RAMP3: variants seen among roughly 807,000 people sequenced by gnomAD.
RAMP3 encodes the protein receptor activity modifying protein 3, also known as receptor activity-modifying protein 3.
Under a neutral mutation model 13.5 loss-of-function variants are expected in RAMP3, and 14 were observed. The observed-to-expected ratio is 1.04, with a 90% CI of 0.69 to 1.63. RAMP3 has a LOEUF of 1.63. RAMP3 is among the 40% of genes most tolerant of loss of function. The pLI is 0.00. For missense variants in RAMP3, 200 were observed against 204.8 expected, an observed-to-expected ratio of 0.98 and a Z score of 0.14; for synonymous variants, 106 against 88.3, an observed-to-expected ratio of 1.20 and a Z score of -1.12.
rs34833718 is a variant in RAMP3, at chr7:45,160,330, C to CAAAAA, written c.58+2481_58+2485dup. 4.4e-3 allele frequency among the ~76,000 whole-genome samples: 79 copies of CAAAAA among 17,892 alleles called. 19 individuals carry two copies. The highest frequency in any genetic ancestry group is 0.015 in the East Asian group (4 of 270). 11.7% of individuals were successfully genotyped at this position (17,892 alleles called of 152,430 possible). ...CTGGTGACAAAGCGAGACTCTGCCT[C>CAAAAA]AAAAAAAAAAAAAAAAAAAAAAAAA... is the stretch of plus-strand genomic sequence containing the variant. On this transcript the variant is annotated intron_variant, in intron 1 of 2. Coordinates refer to ENST00000242249, the MANE Select transcript of RAMP3 (RefSeq NM_005856.3).
chr7:45,161,897 G>A (rs1785874778), intron 1 of RAMP3, among the ~76,000 whole-genome samples: 1 of 152,140 alleles, frequency 6.6e-6, no homozygotes, highest in Non-Finnish European at 1.5e-5. Flanking sequence ...CATTGGGATG[G>A]TGGGCGGAGC....
At chr7:45,176,564 T>C (rs867843303) in intron 1 of RAMP3, among the ~76,000 whole-genome samples, 1 of 151,692 alleles carries the variant, frequency 6.6e-6, no homozygotes, top group Non-Finnish European at 1.5e-5. Flanking sequence ...CGTCTGGAAA[T>C]GGGATGACCG....
Position 45,173,120 on chromosome 7 carries a change from C to A in RAMP3, c.59-4189C>A, listed in dbSNP as rs575086176. ...GGAAGATGCCTCCAGGGCAACAAAT[C>A]CATGGCCCTCTGGGTTCCACTCCAT... On this transcript the variant is annotated intron_variant, in intron 1 of 2. Transcript: ENST00000242249. Among the ~76,000 whole-genome samples, 4 of 152,342 alleles carry A rather than the reference C, an allele frequency of 2.6e-5. No homozygotes were observed. In the South Asian group the frequency reaches 6.2e-4, roughly 24 times the overall value.
At chr7:45,178,104 C>T (rs1043469576) in intron 2 of RAMP3, among the ~76,000 whole-genome samples, 1 of 152,112 alleles carries the variant, frequency 6.6e-6, no homozygotes, top group Admixed American at 6.5e-5. Context: ...CCTCTCCTTA[C>T]AGCTGGAGCT....
At chr7:45,165,713 G>A (rs762362223) in intron 1 of RAMP3, among the ~76,000 whole-genome samples, 9 of 152,108 alleles carry the variant, frequency 5.9e-5, no homozygotes, top group Non-Finnish European at 1.2e-4. Flanking sequence ...AACCCCCTTA[G>A]CCTTAAGGAA....
In RAMP3 at chr7:45,157,865, C is replaced by A. The variant is rs1338368468; in HGVS notation, c.37C>A (p.Pro13Thr). 3.5e-6 allele frequency: 5 copies of A among 1,411,994 alleles called. No homozygotes were observed. The South Asian group carries it at 7.9e-5, about 22-fold the overall frequency. The allele number at this position is 1,411,994 out of a possible 1,614,324, so 87.5% of individuals were successfully genotyped here. ...TGALRRPQLL[P>T]LLLLLCGGCP... ...AGCGCTGCGGCGCCCGCAACTTCTC[C>A]CGTTGCTGCTGCTGCTCTGCGGTAA... Residue 13 changes from proline to threonine, a missense_variant, in exon 1 of 3, where the codon CCG (proline) becomes ACG (threonine). By Grantham distance (38) the Pro-to-Thr change is conservative. Coordinates refer to ENST00000242249, the MANE Select transcript of RAMP3 (RefSeq NM_005856.3).
At chr7:45,159,788 T>G (rs1310103662) in intron 1 of RAMP3, among the ~76,000 whole-genome samples, 1 of 152,206 alleles carries the variant, frequency 6.6e-6, no homozygotes, top group Non-Finnish European at 1.5e-5. Context: ...GGGTTCATGC[T>G]TAAACAAGGG....
At chr7:45,176,678 T>A (rs1786193508) in intron 1 of RAMP3, among the ~76,000 whole-genome samples, 1 of 151,758 alleles carries the variant, frequency 6.6e-6, no homozygotes, top group Non-Finnish European at 1.5e-5. Flanking sequence ...GGGGAGGGGA[T>A]GTTTTGGTGG....
At chr7:45,160,133 C>T (rs904513110) in intron 1 of RAMP3, among the ~76,000 whole-genome samples, 1 of 151,688 alleles carries the variant, frequency 6.6e-6, no homozygotes, top group African/African-American at 2.4e-5. Flanking sequence ...GAGATCGAGA[C>T]CATCCTGGCC....
chr7:45,165,505 G>T (rs1898954), intron 1 of RAMP3, among the ~76,000 whole-genome samples: 1 of 151,998 alleles, frequency 6.6e-6, no homozygotes, highest in African/African-American at 2.4e-5. Context: ...GTTTGAAAAA[G>T]TTTTTATTAT....
At chr7:45,158,727 A>C (rs1290176401) in intron 1 of RAMP3, among the ~76,000 whole-genome samples, 1 of 152,086 alleles carries the variant, frequency 6.6e-6, no homozygotes, top group African/African-American at 2.4e-5. Context: ...CCTGGCTGTA[A>C]GATGCAGAGT....
At chr7:45,171,934 C>A (rs570269545) in intron 1 of RAMP3, among the ~76,000 whole-genome samples, 2 of 152,354 alleles carry the variant, frequency 1.3e-5, no homozygotes, top group South Asian at 4.1e-4. Context: ...GGACAATGGC[C>A]TGCTTCTACC....
chr7:45,177,159 G>A (rs1279655199), intron 1 of RAMP3, 150 bp from the exon 2 acceptor site: 19 of 953,844 alleles, frequency 2.0e-5, no homozygotes, highest in Non-Finnish European at 2.6e-5. Flanking sequence ...GTAGGTCAGG[G>A]TGGAGGGTGA....
intron 2 of RAMP3, among the ~76,000 whole-genome samples, chr7:45,182,278 A>G (rs890179178): frequency 6.6e-6 from 1 of 152,308 alleles, no homozygotes; most frequent in South Asian, 2.1e-4. Context: ...AGGGGGTGGC[A>G]TCTGGGCAGG....
chr7:45,183,455 A>G lies in RAMP3; in HGVS notation c.*43A>G, dbSNP rs779197026. On this transcript the variant is annotated 3_prime_UTR_variant, in exon 3 of 3. Transcript: ENST00000242249. ...AGTGGGTCACACCTGGCAAGCTGGA[A>G]GAAAGTTCCCTGGGGATGGGAGAGC... is the stretch of plus-strand genomic sequence containing the variant. 5 of 1,599,638 alleles carry G rather than the reference A, an allele frequency of 3.1e-6. No individual in the cohort carries two copies. The highest frequency in any genetic ancestry group is 1.7e-5 in the Admixed American group (1 of 59,950).
chr7:45,168,775 T>C (rs1786024625), intron 1 of RAMP3, among the ~76,000 whole-genome samples: 1 of 152,216 alleles, frequency 6.6e-6, no homozygotes, highest in Admixed American at 6.5e-5. Flanking sequence ...TTTCACTTCT[T>C]GCTTAATTGC....
intron 2 of RAMP3, among the ~76,000 whole-genome samples, chr7:45,178,856 G>T (rs561626874): frequency 6.6e-6 from 1 of 152,228 alleles, no homozygotes; most frequent in African/African-American, 2.4e-5. Context: ...GCATTTAGGA[G>T]CCAGTGAGTG....
chr7:45,165,596 A>C (rs1785945727), intron 1 of RAMP3, among the ~76,000 whole-genome samples: 3 of 152,248 alleles, frequency 2.0e-5, no homozygotes. Flanking sequence ...AATATTTTTT[A>C]GTACATTCCT....
At chr7:45,158,779 G>A (rs975988077) in intron 1 of RAMP3, among the ~76,000 whole-genome samples, 2 of 152,312 alleles carry the variant, frequency 1.3e-5, no homozygotes, top group African/African-American at 2.4e-5. Context: ...CGGGAGGTGG[G>A]AAAAGGGTGG....
Sources: gnomAD v4.1 joint callset for allele counts (sites outside exome capture counted in the v4.1 genomes callset) on GRCh38, gnomAD v4.1.1 for gene constraint, MANE v1.5 for transcripts, NCBI Gene and HGNC (gene_info 2026-07-23, HGNC 2026-07-21) for gene names.